AP1AR: variants seen among roughly 807,000 people sequenced by gnomAD.
The protein encoded by AP1AR is adaptor related protein complex 1 associated regulatory protein.
A neutral mutation model predicts 46.3 loss-of-function variants in AP1AR; 29 were observed. The observed-to-expected ratio is 0.63, with a 90% CI of 0.47 to 0.85. The LOEUF (loss-of-function observed/expected upper bound fraction) is 0.85, where lower values mean the gene tolerates loss of function less well. AP1AR is among the 40% of genes least tolerant of loss of function. The pLI is 0.00. For synonymous variants in AP1AR, 122 were observed against 122.9 expected (o/e 0.99, Z 0.05); for missense variants, 357 against 356.3 (o/e 1.00, Z -0.02).
chr4:112,239,420 A>G (rs1725387666), intron 1 of AP1AR, among the ~76,000 whole-genome samples: 1 of 152,124 alleles, frequency 6.6e-6, no homozygotes, highest in African/African-American at 2.4e-5. Flanking sequence ...TCTCCTCTGC[A>G]TATTCATTTT....
At chr4:112,249,761 G>A (rs916732380) in intron 1 of AP1AR, among the ~76,000 whole-genome samples, 4 of 152,078 alleles carry the variant, frequency 2.6e-5, no homozygotes, top group Non-Finnish European at 4.4e-5. Flanking sequence ...GCCAGTCAGC[G>A]TGGCCATTAC....
At position 112,254,746 on chromosome 4, in the gene AP1AR, GT is replaced by G; in HGVS notation, c.135del (p.Phe45LeufsTer4). On this transcript the variant is annotated frameshift_variant and splice_region_variant, in exon 3 of 10. Transcript: ENST00000274000. LOFTEE classifies it high-confidence loss of function. ...CSRGEHLTIE[F>X]ENLVESDEGE... ...TAACGCTTACTTTTTTGTCCTTTCA[GT>G]TTGAGAATCTAGTAGAAAGTGATGA... 6.6e-7 allele frequency: 1 copy of G among 1,506,064 alleles called. No homozygotes were observed. The highest frequency in any genetic ancestry group is 9.0e-7 in the Non-Finnish European group (1 of 1,116,934). 93.3% of individuals were successfully genotyped at this position (1,506,064 alleles called of 1,614,324 possible).
Position 112,240,400 on chromosome 4 carries a change from C to T in AP1AR, c.83+8226C>T, listed in dbSNP as rs530409780. 6.6e-5 allele frequency among the ~76,000 whole-genome samples: 10 copies of T among 152,290 alleles called. No homozygotes were observed. The East Asian group carries it at 1.4e-3, about 21-fold the overall frequency. On this transcript the variant is annotated intron_variant, in intron 1 of 9. Coordinates refer to ENST00000274000, the MANE Select transcript of AP1AR (RefSeq NM_018569.6). Reference sequence around the variant, plus strand: ...TGGAACCATCTGCTTTTCTTCTGTGCATGTTCTTAGTTTATAGTCATACTG... The same window carrying T: ...TGGAACCATCTGCTTTTCTTCTGTGTATGTTCTTAGTTTATAGTCATACTG...
At position 112,268,495 on chromosome 4, in the gene AP1AR, TG is replaced by T; in HGVS notation, c.*87del. The T allele has an allele frequency of 1.5e-6, 2 of 1,340,274 alleles. No individual in the cohort carries two copies. Among genetic ancestry groups the T allele is most frequent in the Non-Finnish European group, 2.0e-6 (2 of 997,472 alleles). 83.0% of individuals were successfully genotyped at this position (1,340,274 alleles called of 1,614,324 possible). ...TATAAGTGATTGTGCTTAGCCTTTTTGTAAGGGAGATGTGTAAGAAACCATG... is the reference window on the plus strand; with the variant it reads ...TATAAGTGATTGTGCTTAGCCTTTTTTAAGGGAGATGTGTAAGAAACCATG... On this transcript the variant is annotated 3_prime_UTR_variant, in exon 10 of 10. Coordinates refer to ENST00000274000, the MANE Select transcript of AP1AR (RefSeq NM_018569.6).
chr4:112,260,615 TA>T, intron 4 of AP1AR, 150 bp from the exon 5 acceptor site: 1 of 524,576 alleles, frequency 1.9e-6, no homozygotes, highest in Admixed American at 3.6e-5. Flanking sequence ...GTATACTTTT[TA>T]CTCTTAACAA....
chr4:112,232,222 G>T (rs946528623), intron 1 of AP1AR, 48 bp downstream of exon 1: 3 of 1,254,808 alleles, frequency 2.4e-6, no homozygotes, highest in African/African-American at 3.1e-5. Context: ...CCTCCTCTTC[G>T]GCCCCCGGCG....
At position 112,271,138 on chromosome 4, in the gene AP1AR, T is replaced by G. The variant is rs989789373; in HGVS notation, c.*2729T>G. On this transcript the variant is annotated 3_prime_UTR_variant, in exon 10 of 10. Transcript: ENST00000274000. ...CCGTGGCTACCTTGCTCACTGCACA[T>G]AGTCCACGTAGGCAAAACTCAACCA... is the stretch of plus-strand genomic sequence containing the variant. Among the ~76,000 whole-genome samples, 3 of 152,186 alleles carry G rather than the reference T, an allele frequency of 2.0e-5. No homozygotes were observed. Among genetic ancestry groups the G allele is most frequent in the African/African-American group, 7.2e-5 (3 of 41,444 alleles).
At chr4:112,247,785 G>T (rs2110475144) in intron 1 of AP1AR, among the ~76,000 whole-genome samples, 1 of 152,302 alleles carries the variant, frequency 6.6e-6, no homozygotes, top group African/African-American at 2.4e-5. Context: ...ACAGCTAATA[G>T]ATTCTTAAGG....
At chr4:112,253,383 T>C (rs1180941028) in intron 2 of AP1AR, 127 bp downstream of exon 2, 5 of 694,962 alleles carry the variant, frequency 7.2e-6, no homozygotes, top group Non-Finnish European at 1.2e-5. Flanking sequence ...ATATTATTCA[T>C]GTTAGTGAAG....
At chr4:112,258,608 T>C (rs1348160670) in intron 4 of AP1AR, among the ~76,000 whole-genome samples, 6 of 152,172 alleles carry the variant, frequency 3.9e-5, no homozygotes, top group African/African-American at 1.4e-4. Context: ...TGTTGAAAGG[T>C]TGGTTAATGC....
chr4:112,262,132 G>A (rs1186858180), intron 5 of AP1AR, among the ~76,000 whole-genome samples: 1 of 152,062 alleles, frequency 6.6e-6, no homozygotes, highest in Non-Finnish European at 1.5e-5. Context: ...TGGGCAACTT[G>A]GCAAGACCTC....
chr4:112,266,399 AAGAG>A (rs909171763), intron 8 of AP1AR, among the ~76,000 whole-genome samples, 185 bp from the exon 9 acceptor site: 1 of 151,850 alleles, frequency 6.6e-6, no homozygotes, highest in African/African-American at 2.4e-5. Context: ...GGCAAAAAAA[AAGAG>A]AGAAAAGTTT....
At chr4:112,239,748 A>G (rs964176089) in intron 1 of AP1AR, among the ~76,000 whole-genome samples, 1 of 152,086 alleles carries the variant, frequency 6.6e-6, no homozygotes, top group Admixed American at 6.5e-5. Flanking sequence ...GTTTTCCTTC[A>G]TGGCGCTTAC....
rs376272770 is a variant in AP1AR at position 112,232,120 on chromosome 4, T to A, written c.29T>A (p.Phe10Tyr). MGNCCWTQC[F>Y]GLLRKEAGRL... ...GGGAACTGCTGCTGGACGCAGTGCT[T>A]CGGACTGCTTCGCAAGGAAGCGGGG... Residue 10 changes from phenylalanine to tyrosine, a missense_variant, in exon 1 of 10, where the codon TTC becomes TAC. Physicochemically the swap from Phe to Tyr is conservative, Grantham distance 22 (BLOSUM62 3). Transcript: ENST00000274000. The A allele has an allele frequency of 5.4e-6, 7 of 1,299,956 alleles. No homozygotes were observed. The highest frequency in any genetic ancestry group is 4.6e-5 in the African/African-American group (3 of 65,094). The allele number at this position is 1,299,956 out of a possible 1,614,324, so 80.5% of individuals were successfully genotyped here.
chr4:112,241,163 A>C (rs1406184157), intron 1 of AP1AR, among the ~76,000 whole-genome samples: 1 of 152,194 alleles, frequency 6.6e-6, no homozygotes, highest in East Asian at 1.9e-4. Flanking sequence ...CATAAAATTA[A>C]GTTTTTGAAC....
chr4:112,244,909 G>C (rs571823420), intron 1 of AP1AR, among the ~76,000 whole-genome samples: 1 of 152,188 alleles, frequency 6.6e-6, no homozygotes, highest in Admixed American at 6.5e-5. Context: ...GGAGAATACT[G>C]TTTTTTAGCT....
At chr4:112,251,722 GGAGA>G (rs1207419375) in intron 1 of AP1AR, among the ~76,000 whole-genome samples, 1 of 152,122 alleles carries the variant, frequency 6.6e-6, no homozygotes, top group Non-Finnish European at 1.5e-5. Context: ...GAGAAATAAA[GGAGA>G]GAGAAGAGTG....
intron 1 of AP1AR, among the ~76,000 whole-genome samples, chr4:112,250,180 T>C (rs1260516702): frequency 2.0e-5 from 3 of 152,194 alleles, no homozygotes; most frequent in African/African-American, 7.2e-5. Flanking sequence ...TAGTGAAGGA[T>C]TGATTGCCAA....
chr4:112,257,934 T>G, intron 4 of AP1AR, 137 bp downstream of exon 4: 2 of 681,466 alleles, frequency 2.9e-6, no homozygotes, highest in Non-Finnish European at 4.5e-6. Flanking sequence ...ATTTTTCTTT[T>G]TATAAGATTG....
Sources: allele counts gnomAD v4.1 joint callset (sites outside exome capture counted in the v4.1 genomes callset), GRCh38; gene constraint gnomAD v4.1.1; transcripts MANE v1.5; gene names NCBI Gene and HGNC (gene_info 2026-07-23, HGNC 2026-07-21).